XKR4: variants seen among roughly 807,000 people sequenced by gnomAD.
XKR4 encodes XK related 4, also known as XK-related protein 4.
In XKR4, 12 loss-of-function variants were observed where a neutral mutation model predicts 53.9. The ratio of observed to expected loss-of-function variants is 0.22; its 90% CI spans 0.14 to 0.36. The LOEUF (loss-of-function observed/expected upper bound fraction) is 0.36. Ranked by LOEUF, XKR4 falls within the 10% of genes least tolerant of loss-of-function variation. XKR4 has a pLI of 1.00. For missense variants in XKR4, 799 were observed against 859.5 expected (o/e 0.93, Z 0.88); for synonymous variants, 354 against 362.4 (o/e 0.98, Z 0.26).
chr8:55,179,316 C>G (rs1393317106), intron 1 of XKR4, among the ~76,000 whole-genome samples: 1 of 152,136 alleles, frequency 6.6e-6, no homozygotes, highest in Non-Finnish European at 1.5e-5. Flanking sequence ...CTCACTCATC[C>G]TGCATTGAGT....
At chr8:55,407,312 T>C (rs76362655) in intron 2 of XKR4, among the ~76,000 whole-genome samples, 4,092 of 152,306 alleles carry the variant, frequency 0.027, 163 homozygotes, top group African/African-American at 0.093. Flanking sequence ...GCTTTCGCAC[T>C]GCTTCCCAGG....
At chr8:55,416,052 T>A (rs1804841544) in intron 2 of XKR4, among the ~76,000 whole-genome samples, 2 of 152,004 alleles carry the variant, frequency 1.3e-5, no homozygotes, top group African/African-American at 4.8e-5. Context: ...CAATATGAGG[T>A]CATATTTTTC....
chr8:55,305,554 C>T (rs530636506), intron 1 of XKR4, among the ~76,000 whole-genome samples: 1 of 152,154 alleles, frequency 6.6e-6, no homozygotes, highest in South Asian at 2.1e-4. Flanking sequence ...GAGTATGTCA[C>T]TTAGCATGTC....
intron 1 of XKR4, among the ~76,000 whole-genome samples, chr8:55,339,024 A>G (rs1231935433): frequency 2.6e-5 from 4 of 152,240 alleles, no homozygotes; most frequent in African/African-American, 9.6e-5. Context: ...GGCTGTTCAG[A>G]ATGAAATAGT....
At chr8:55,435,261 C>T (rs1805157252) in intron 2 of XKR4, among the ~76,000 whole-genome samples, 1 of 152,144 alleles carries the variant, frequency 6.6e-6, no homozygotes, top group African/African-American at 2.4e-5. Flanking sequence ...TAGTTTGAAT[C>T]GTTGCTCCTT....
chr8:55,528,220 T>G lies in XKR4; in HGVS notation c.*3993T>G, dbSNP rs1263579966. ...CTTACGAACTTCAGTTGGAAATACCTAAATATAATTCAGCACTTCTTAGCT... is the reference window on the plus strand; with the variant it reads ...CTTACGAACTTCAGTTGGAAATACCGAAATATAATTCAGCACTTCTTAGCT... On this transcript the variant is annotated 3_prime_UTR_variant, in exon 3 of 3. Coordinates refer to ENST00000327381, the MANE Select transcript of XKR4 (RefSeq NM_052898.2). 6.6e-6 allele frequency: 1 copy of G among 152,222 alleles called. No homozygotes were observed. Among genetic ancestry groups the G allele is most frequent in the Admixed American group, 6.5e-5 (1 of 15,290 alleles). The allele number at this position is 152,222 out of a possible 1,614,324, so 9.4% of individuals were successfully genotyped here.
chr8:55,471,469 C>T (rs79920648), intron 2 of XKR4, among the ~76,000 whole-genome samples: 15 of 152,156 alleles, frequency 9.9e-5, no homozygotes, highest in East Asian at 7.7e-4. Flanking sequence ...AGTTGGGGCC[C>T]GGCCATCTGT....
At chr8:55,491,625 G>GGTTTGTTTGTTTGTTT (rs112852043) in intron 2 of XKR4, among the ~76,000 whole-genome samples, 13 of 149,876 alleles carry the variant, frequency 8.7e-5, no homozygotes, top group East Asian at 2.0e-4. Flanking sequence ...TGTCTTTGGG[G>GGTTTGTTTGTTTGTTT]GTTTGTTTGT....
intron 2 of XKR4, among the ~76,000 whole-genome samples, chr8:55,481,873 A>G (rs1261136766): frequency 6.6e-6 from 1 of 152,186 alleles, no homozygotes; most frequent in African/African-American, 2.4e-5. Flanking sequence ...TTAGAATGGA[A>G]ATCATTAAAA....
chr8:55,494,670 C>G (rs1420160228), intron 2 of XKR4, among the ~76,000 whole-genome samples: 1 of 152,126 alleles, frequency 6.6e-6, no homozygotes, highest in African/African-American at 2.4e-5. Flanking sequence ...ATCCTATCAT[C>G]GTTTCAGTTC....
rs1365303977 is a variant in XKR4, at chr8:55,539,134, TA to T, written c.*14909del. The T allele has an allele frequency of 6.6e-6, 1 of 152,240 alleles. No individual in the cohort carries two copies. The highest frequency in any genetic ancestry group is 1.5e-5 in the Non-Finnish European group (1 of 68,028). The allele number at this position is 152,240 out of a possible 1,614,324, so 9.4% of individuals were successfully genotyped here. On this transcript the variant is annotated 3_prime_UTR_variant, in exon 3 of 3. Coordinates refer to ENST00000327381, the MANE Select transcript of XKR4 (RefSeq NM_052898.2). ...TTAAAAATTTAATCCTGATAAGAAC[TA>T]ATGTGAAATAACATCATTTTGGTTT...
chr8:55,312,015 C>T (rs190365919), intron 1 of XKR4, among the ~76,000 whole-genome samples: 1 of 152,140 alleles, frequency 6.6e-6, no homozygotes, highest in African/African-American at 2.4e-5. Context: ...CTGAAACAGC[C>T]TGTTCTAGCA....
intron 1 of XKR4, among the ~76,000 whole-genome samples, chr8:55,313,889 G>C (rs1819421694): frequency 6.6e-6 from 1 of 152,208 alleles, no homozygotes; most frequent in South Asian, 2.1e-4. Context: ...TTTTTCTGCA[G>C]AGTTATGAGT....
intron 2 of XKR4, among the ~76,000 whole-genome samples, chr8:55,389,571 T>C (rs1431779688): frequency 6.6e-6 from 1 of 152,142 alleles, no homozygotes; most frequent in East Asian, 1.9e-4. Context: ...AATAAATCAA[T>C]GGCAAATAGT....
chr8:55,252,229 A>G (rs1038434160), intron 1 of XKR4, among the ~76,000 whole-genome samples: 1 of 152,230 alleles, frequency 6.6e-6, no homozygotes, highest in African/African-American at 2.4e-5. Context: ...TAAGCATAAG[A>G]AAAGCAAAAT....
At chr8:55,239,007 T>C (rs1458425312) in intron 1 of XKR4, among the ~76,000 whole-genome samples, 1 of 152,194 alleles carries the variant, frequency 6.6e-6, no homozygotes, top group East Asian at 1.9e-4. Flanking sequence ...TATTCACACA[T>C]GAGTGAATAA....
At chr8:55,449,854 C>T in intron 2 of XKR4, 1 of 1,003,836 alleles carries the variant, frequency 1.0e-6, no homozygotes. Flanking sequence ...TCTCAGCTGT[C>T]TGGAACTGGC....
chr8:55,410,243 A>G (rs1056811303), intron 2 of XKR4, among the ~76,000 whole-genome samples: 2 of 152,036 alleles, frequency 1.3e-5, no homozygotes, highest in Non-Finnish European at 2.9e-5. Context: ...AAGGTACTCC[A>G]ATCGGCCTCA....
In XKR4 at chr8:55,103,070, G is replaced by T. The variant is rs1299555854; in HGVS notation, c.582G>T (p.Thr194=). 1 of 1,612,772 alleles carries T rather than the reference G, an allele frequency of 6.2e-7. No individual in the cohort carries two copies. The highest frequency in any genetic ancestry group is 1.3e-5 in the African/African-American group (1 of 74,920). Residue 194 remains threonine (T), a synonymous_variant, in exon 1 of 3, where the codon ACG becomes ACT. Transcript: ENST00000327381. ...CGCAGCCTGGAGCCGATTGCAAGAC[G>T]GTGGTCGGCGGTGGGTCTGCAGCCG... ...SCPQPGADCK[T]VVGGGSAAGE...
Sources: allele counts gnomAD v4.1 joint callset (sites outside exome capture counted in the v4.1 genomes callset), GRCh38; gene constraint gnomAD v4.1.1; transcripts MANE v1.5; gene names NCBI Gene and HGNC (gene_info 2026-07-23, HGNC 2026-07-21).